Variants in GRIK1 observed in about 807,000 individuals in gnomAD.
GRIK1 encodes glutamate receptor ionotropic, kainate 1.
GRIK1 carries 69 observed loss-of-function variants against 105.7 expected under a neutral mutation model. The ratio of observed to expected loss-of-function variants is 0.65; its 90% CI spans 0.54 to 0.80. The LOEUF is 0.80. GRIK1 is among the 30% of genes least tolerant of loss of function. GRIK1 has a pLI of 0.00. For synonymous variants in GRIK1, 438 were observed against 431.3 expected (o/e 1.02, Z -0.19); for missense variants, 1,109 against 1,167.3 (o/e 0.95, Z 0.73).
At chr21:29,911,702 A>AAAGGGGC (rs2070823447) in intron 1 of GRIK1, among the ~76,000 whole-genome samples, 1 of 152,054 alleles carries the variant, frequency 6.6e-6, no homozygotes, top group African/African-American at 2.4e-5. Context: ...TGCCTTCATA[A>AAAGGGGC]AAGGGGCCCC....
chr21:29,585,330 C>T (rs183454125), intron 12 of GRIK1, among the ~76,000 whole-genome samples: 6 of 151,904 alleles, frequency 3.9e-5, no homozygotes, highest in African/African-American at 4.8e-5. Context: ...TATTGAATGG[C>T]GTGCCATTCT....
intron 1 of GRIK1, among the ~76,000 whole-genome samples, chr21:29,720,576 G>A (rs530081807): frequency 6.6e-6 from 1 of 152,048 alleles, no homozygotes; most frequent in Non-Finnish European, 1.5e-5. Flanking sequence ...TCATCCAACT[G>A]AGAAAGGGCT....
intron 9 of GRIK1, among the ~76,000 whole-genome samples, chr21:29,592,807 C>T (rs2250863): frequency 0.28 from 42,580 of 152,000 alleles, 7,315 homozygotes; most frequent in African/African-American, 0.46. Flanking sequence ...ATGAAGGAAT[C>T]TGGACTCATT....
At chr21:29,584,634 A>G (rs997890052) in intron 12 of GRIK1, among the ~76,000 whole-genome samples, 28 of 152,224 alleles carry the variant, frequency 1.8e-4, no homozygotes, top group Non-Finnish European at 7.3e-5. Flanking sequence ...GCATTTGCTT[A>G]AATGCAGTGA....
chr21:29,923,477 A>G (rs2071256225), intron 1 of GRIK1, among the ~76,000 whole-genome samples: 1 of 152,152 alleles, frequency 6.6e-6, no homozygotes, highest in South Asian at 2.1e-4. Context: ...TTTAATTTGA[A>G]CTCAAAATAG....
chr21:29,927,614 T>A (rs2071420511), intron 1 of GRIK1, among the ~76,000 whole-genome samples: 1 of 151,550 alleles, frequency 6.6e-6, no homozygotes, highest in Non-Finnish European at 1.5e-5. Context: ...GGCTCACACC[T>A]GTAATCCCAG....
intron 1 of GRIK1, among the ~76,000 whole-genome samples, chr21:29,711,272 A>G (rs1347665486): frequency 6.6e-6 from 1 of 152,120 alleles, no homozygotes; most frequent in Non-Finnish European, 1.5e-5. Context: ...CCTTTTCTAT[A>G]TTTGGATATA....
chr21:29,838,025 A>G (rs1295967138), intron 1 of GRIK1, among the ~76,000 whole-genome samples: 2 of 152,228 alleles, frequency 1.3e-5, no homozygotes, highest in Non-Finnish European at 2.9e-5. Context: ...ATGGTTCAAA[A>G]AGTTAAAAGT....
chr21:29,605,545 A>G (rs2061596691), intron 7 of GRIK1, among the ~76,000 whole-genome samples: 1 of 152,130 alleles, frequency 6.6e-6, no homozygotes, highest in African/African-American at 2.4e-5. Context: ...ATGTATCTTT[A>G]TAATAGAATG....
At chr21:29,690,008 G>C (rs764416830) in intron 2 of GRIK1, 23 bp from the exon 3 acceptor site, 1 of 1,585,026 alleles carries the variant, frequency 6.3e-7, no homozygotes. Context: ...GACAAGGAGA[G>C]GATGGGGAGG....
chr21:29,860,491 G>A (rs73343797), intron 1 of GRIK1, among the ~76,000 whole-genome samples: 3,738 of 152,292 alleles, frequency 0.025, 168 homozygotes, highest in African/African-American at 0.086. Flanking sequence ...CCTCACCTGA[G>A]CTCCCTTCCT....
intron 17 of GRIK1, 28 bp from the exon 18 acceptor site, chr21:29,537,413 G>A (rs1177062836): frequency 6.3e-7 from 1 of 1,579,634 alleles, no homozygotes; most frequent in African/African-American, 1.4e-5. Flanking sequence ...CAGACCATCA[G>A]CTTAATTAAG....
chr21:29,731,363 T>A (rs1455474708), intron 1 of GRIK1, among the ~76,000 whole-genome samples: 1 of 152,178 alleles, frequency 6.6e-6, no homozygotes, highest in East Asian at 1.9e-4. Context: ...TCTTGAGCAG[T>A]TTGCTTTTAC....
At chr21:29,733,029 G>C (rs1221373727) in intron 1 of GRIK1, among the ~76,000 whole-genome samples, 4 of 152,142 alleles carry the variant, frequency 2.6e-5, no homozygotes, top group African/African-American at 9.7e-5. Context: ...AAAAATATGA[G>C]TGAAATTTAT....
intron 3 of GRIK1, among the ~76,000 whole-genome samples, chr21:29,680,785 A>C (rs769238729): frequency 1.3e-5 from 2 of 152,234 alleles, no homozygotes; most frequent in Non-Finnish European, 2.9e-5. Flanking sequence ...GGTATTATTC[A>C]TACAAGTGCT....
At chr21:29,544,559 A>G (rs2090021807) in intron 16 of GRIK1, among the ~76,000 whole-genome samples, 1 of 152,130 alleles carries the variant, frequency 6.6e-6, no homozygotes. Context: ...TATATGCATT[A>G]TCTTCAGGGT....
chr21:29,851,529 C>T (rs890154241), intron 1 of GRIK1, among the ~76,000 whole-genome samples: 4 of 152,184 alleles, frequency 2.6e-5, no homozygotes, highest in Non-Finnish European at 5.9e-5. Context: ...CCTTTGCTCC[C>T]TTTTCTAGCC....
chr21:29,887,958 G>A (rs1268499522), intron 1 of GRIK1, among the ~76,000 whole-genome samples: 2 of 151,788 alleles, frequency 1.3e-5, no homozygotes, highest in East Asian at 1.9e-4. Context: ...GCAGGAAAAA[G>A]GGTAGAATAA....
intron 5 of GRIK1, among the ~76,000 whole-genome samples, chr21:29,654,195 C>T (rs1418582165): frequency 6.6e-6 from 1 of 152,190 alleles, no homozygotes; most frequent in East Asian, 1.9e-4. Context: ...AAAATTATCA[C>T]ATCATTTTGA....
Sources: allele counts gnomAD v4.1 joint callset (sites outside exome capture counted in the v4.1 genomes callset), GRCh38; gene constraint gnomAD v4.1.1; transcripts MANE v1.5; gene names NCBI Gene and HGNC (gene_info 2026-07-23, HGNC 2026-07-21).